The following CFAP97 variants were observed in gnomAD, a reference collection of about 807,000 sequenced individuals.
CFAP97 encodes the protein cilia- and flagella-associated protein 97.
Under a neutral mutation model 43.1 loss-of-function variants are expected in CFAP97, and 36 were observed. That is an observed-to-expected ratio of 0.84 (90% confidence interval 0.64 to 1.10). The LOEUF is 1.10. CFAP97 is among the 50% of genes least tolerant of loss of function. CFAP97 has a pLI of 0.00. For synonymous variants in CFAP97, 228 were observed against 225.7 expected (o/e 1.01, Z -0.09); for missense variants, 657 against 620.3 (o/e 1.06, Z -0.63).
At chr4:185,183,932 A>G (rs1333324238) in intron 2 of CFAP97, among the ~76,000 whole-genome samples, 1 of 152,224 alleles carries the variant, frequency 6.6e-6, no homozygotes, top group Non-Finnish European at 1.5e-5. Flanking sequence ...CAGTATTTCA[A>G]TTTAATTATA....
Position 185,162,534 on chromosome 4 carries a change from A to C in CFAP97, c.*264T>G, listed in dbSNP as rs950360949. 4.9e-6 allele frequency: 2 copies of C among 406,288 alleles called. No individual in the cohort carries two copies. Among genetic ancestry groups the C allele is most frequent in the African/African-American group, 4.3e-5 (2 of 47,042 alleles). The allele number at this position is 406,288 out of a possible 1,614,324, so 25.2% of individuals were successfully genotyped here. A position where few individuals can be genotyped will look rare whatever the true frequency, so the allele number is the denominator to read the frequency against. ...TACTATTTTGACAGCATGACAACTG[A>C]ATAATTAGAAGATACACATGCATAC... is the stretch of plus-strand genomic sequence containing the variant. On this transcript the variant is annotated 3_prime_UTR_variant, in exon 5 of 5. Transcript: ENST00000458385.
chr4:185,166,657 C>T (rs955626218), intron 3 of CFAP97, among the ~76,000 whole-genome samples: 2 of 152,144 alleles, frequency 1.3e-5, no homozygotes, highest in Non-Finnish European at 2.9e-5. Flanking sequence ...GAGTCTGATA[C>T]ATCAATTATC....
intron 2 of CFAP97, among the ~76,000 whole-genome samples, chr4:185,185,145 G>A (rs1260646327): frequency 1.3e-5 from 2 of 151,860 alleles, no homozygotes; most frequent in Admixed American, 6.6e-5. Flanking sequence ...ACAATAGGCT[G>A]CAACTTTTTA....
upstream of CFAP97, among the ~76,000 whole-genome samples, chr4:185,205,009 A>C (rs1737123080): frequency 6.6e-6 from 1 of 152,274 alleles, no homozygotes; most frequent in Non-Finnish European, 1.5e-5. Flanking sequence ...TATTGTTCAC[A>C]TCTAAGTGCA....
intron 3 of CFAP97, chr4:185,169,773 C>T (rs2111326952): frequency 1.0e-6 from 1 of 985,404 alleles, no homozygotes; most frequent in Non-Finnish European, 1.2e-6. Context: ...CAACTGTCCC[C>T]CACACAGGCA....
chr4:185,206,547 T>C (rs1391567320), upstream of CFAP97, among the ~76,000 whole-genome samples: 1 of 150,412 alleles, frequency 6.6e-6, no homozygotes, highest in Non-Finnish European at 1.5e-5. Flanking sequence ...TAATCCCAGC[T>C]ACTCGGGAGG....
chr4:185,163,047 A>C (rs1184805575), intron 4 of CFAP97, 122 bp from the exon 5 acceptor site: 1 of 750,320 alleles, frequency 1.3e-6, no homozygotes, highest in Non-Finnish European at 1.9e-6. Flanking sequence ...ACTAGGATGC[A>C]CTTCAGAATT....
Position 185,191,159 on chromosome 4 carries a change from T to C in CFAP97, c.38A>G (p.Asp13Gly), listed in dbSNP as rs763379256. The C allele has an allele frequency of 1.3e-6, 2 of 1,598,884 alleles. No homozygotes were observed. The highest frequency in any genetic ancestry group is 2.3e-5 in the South Asian group (2 of 88,740). The part of the protein sequence containing the change: ...QFGDILEGEV[D>G]HSFFDSDFEE... The stretch of plus-strand genomic sequence containing the variant: ...AAAGTCACTGTCAAAGAAAGAATGG[T>C]CCACTTCACCTTCTAATATATCTCC... Residue 13 changes from aspartate to glycine, a missense_variant, in exon 2 of 5, where the codon GAC becomes GGC. Physicochemically the swap from Asp to Gly is moderately conservative, Grantham distance 94 (BLOSUM62 -1). Transcript: ENST00000458385.
intron 1 of CFAP97, 24 bp from the exon 2 acceptor site, chr4:185,191,236 G>A (rs1027424699): frequency 7.1e-6 from 10 of 1,408,984 alleles, no homozygotes; most frequent in African/African-American, 1.4e-5. Context: ...GTAAACATCA[G>A]ACTAAAGAGT....
At chr4:185,164,790 C>T (rs187400568) in intron 3 of CFAP97, among the ~76,000 whole-genome samples, 13 of 152,352 alleles carry the variant, frequency 8.5e-5, no homozygotes, top group African/African-American at 2.4e-4. Context: ...AAATAAAATA[C>T]ACTAAACCTG....
intron 2 of CFAP97, among the ~76,000 whole-genome samples, chr4:185,189,565 A>C (rs1736141128): frequency 6.6e-6 from 1 of 152,234 alleles, no homozygotes; most frequent in Non-Finnish European, 1.5e-5. Context: ...AACTGATAAG[A>C]AACAAAGCAA....
upstream of CFAP97, among the ~76,000 whole-genome samples, chr4:185,208,702 T>C (rs1737317014): frequency 6.6e-6 from 1 of 151,646 alleles, no homozygotes; most frequent in Non-Finnish European, 1.5e-5. Context: ...CACTCCAGCC[T>C]GGGCAACAGA....
intron 3 of CFAP97, among the ~76,000 whole-genome samples, chr4:185,166,522 T>C (rs1735079768): frequency 6.6e-6 from 1 of 152,226 alleles, no homozygotes. Flanking sequence ...CCTAAGTTTA[T>C]TTATTTGGTT....
At chr4:185,180,953 T>C (rs1248377780) in intron 2 of CFAP97, among the ~76,000 whole-genome samples, 1 of 152,128 alleles carries the variant, frequency 6.6e-6, no homozygotes, top group East Asian at 1.9e-4. Context: ...AGAAATTGTT[T>C]TAAAGATATT....
chr4:185,170,723 G>A (rs901998890), intron 3 of CFAP97, among the ~76,000 whole-genome samples: 12 of 151,482 alleles, frequency 7.9e-5, no homozygotes, highest in African/African-American at 2.7e-4. Flanking sequence ...GGTGGCTCTC[G>A]CCTGTAATCC....
At chr4:185,203,121 G>C (rs1736968469) in intron 1 of CFAP97, among the ~76,000 whole-genome samples, 1 of 151,710 alleles carries the variant, frequency 6.6e-6, no homozygotes, top group Non-Finnish European at 1.5e-5. Flanking sequence ...GATCGCTTGA[G>C]CCCAGGAGTT....
chr4:185,176,311 C>A (rs993693540), intron 2 of CFAP97, among the ~76,000 whole-genome samples: 1 of 152,014 alleles, frequency 6.6e-6, no homozygotes, highest in African/African-American at 2.4e-5. Context: ...CAGGGTTTCA[C>A]CATGTTGCCC....
At chr4:185,193,601 A>G (rs914586833) in intron 1 of CFAP97, among the ~76,000 whole-genome samples, 3 of 152,168 alleles carry the variant, frequency 2.0e-5, no homozygotes, top group African/African-American at 7.2e-5. Context: ...CGCCGCGATC[A>G]CGCCATTGTA....
chr4:185,197,802 A>T (rs182546964), intron 1 of CFAP97, among the ~76,000 whole-genome samples: 233 of 152,324 alleles, frequency 1.5e-3, no homozygotes, highest in African/African-American at 5.5e-3. Flanking sequence ...AAAAGCTAGA[A>T]ATGATTAAGC....
Sources: allele counts gnomAD v4.1 joint callset (sites outside exome capture counted in the v4.1 genomes callset), GRCh38; gene constraint gnomAD v4.1.1; transcripts MANE v1.5; gene names NCBI Gene and HGNC (gene_info 2026-07-23, HGNC 2026-07-21).